VASH2: variants seen among roughly 807,000 people sequenced by gnomAD.
The protein encoded by VASH2 is tubulinyl-Tyr carboxypeptidase 2.
VASH2 carries 28 observed loss-of-function variants against 37.2 expected under a neutral mutation model. That is an observed-to-expected ratio of 0.75 (90% CI 0.56 to 1.03). The LOEUF is 1.03. Ranked by LOEUF, VASH2 falls within the 50% of genes least tolerant of loss-of-function variation. The probability of loss-of-function intolerance (pLI) is 0.00; values close to 1 mark genes in which losing one functional copy is unlikely to be tolerated. For synonymous variants in VASH2, 188 were observed against 174.7 expected (o/e 1.08, Z -0.60); for missense variants, 419 against 459.1 (o/e 0.91, Z 0.80).
chr1:212,957,374 A>G (rs140564003), intron 2 of VASH2, among the ~76,000 whole-genome samples: 105 of 152,240 alleles, frequency 6.9e-4, no homozygotes, highest in Admixed American at 3.5e-3. Context: ...ACTTTGCATG[A>G]GCTCATAATG....
chr1:212,966,413 C>G, intron 5 of VASH2, 68 bp downstream of exon 5: 1 of 1,294,734 alleles, frequency 7.7e-7, no homozygotes, highest in Non-Finnish European at 1.1e-6. Flanking sequence ...GCTTGTTGTG[C>G]CTTTAACATT....
rs563147043 is a variant in VASH2, at chr1:212,955,865, C to T, written c.276+4047C>T. ...TCCCCCATCCTGGATTGAGAACCTT[C>T]CGTCTGTCTGTCTGTCCTGCACCTC... is the stretch of plus-strand genomic sequence containing the variant. On this transcript the variant is annotated intron_variant, in intron 2 of 7. Transcript: ENST00000517399. Among the ~76,000 whole-genome samples the T allele has an allele frequency of 2.4e-3, 367 of 152,344 alleles. 2 individuals are homozygous for T. Among genetic ancestry groups the T allele is most frequent in the Non-Finnish European group, 4.0e-3 (271 of 68,028 alleles).
Position 212,951,476 on chromosome 1 carries a change from C to A in VASH2, c.-67C>A. 9.5e-7 allele frequency: 1 copy of A among 1,051,820 alleles called. No individual in the cohort carries two copies. The allele number at this position is 1,051,820 out of a possible 1,614,324, so 65.2% of individuals were successfully genotyped here. On this transcript the variant is annotated 5_prime_UTR_variant, in exon 2 of 8. Coordinates refer to ENST00000517399, the MANE Select transcript of VASH2 (RefSeq NM_001301056.2). The surrounding 1 kb of genome is among the most constrained non-coding windows in gnomAD (Gnocchi z 4.4). ...CTCGCCGCGCCCGCGCGCACACGCC[C>A]CCCGCCGCCGCCGCCGCTGCCGCCG...
At chr1:212,982,697 G>C (rs1393418189) in intron 7 of VASH2, among the ~76,000 whole-genome samples, 2 of 152,190 alleles carry the variant, frequency 1.3e-5, no homozygotes, top group East Asian at 3.8e-4. Flanking sequence ...TGCAGCCACG[G>C]TTGCTGTAAA....
chr1:212,961,086 T>C (rs1290084530), intron 2 of VASH2, 80 bp from the exon 3 acceptor site: 10 of 1,389,020 alleles, frequency 7.2e-6, no homozygotes, highest in Non-Finnish European at 1.0e-5. Context: ...TCTGGTGGCT[T>C]TAGCCCTCTG....
chr1:212,983,517 C>T (rs563785385), intron 7 of VASH2, among the ~76,000 whole-genome samples: 2 of 149,820 alleles, frequency 1.3e-5, no homozygotes, highest in Non-Finnish European at 1.5e-5. Context: ...GTGATGCCCC[C>T]GGATCCACAC....
intron 5 of VASH2, 143 bp downstream of exon 5, chr1:212,966,488 C>T: frequency 2.8e-6 from 2 of 706,994 alleles, no homozygotes; most frequent in South Asian, 1.8e-5. Context: ...TCTGGTTCAT[C>T]TCTTTAACTT....
chr1:212,959,440 C>T (rs561695689), intron 2 of VASH2, among the ~76,000 whole-genome samples: 25 of 106,586 alleles, frequency 2.3e-4, no homozygotes, highest in South Asian at 8.8e-4. Flanking sequence ...CACATTCACA[C>T]GCACATTCAC....
intron 7 of VASH2, among the ~76,000 whole-genome samples, chr1:212,980,003 G>C (rs1667295203): frequency 6.6e-6 from 1 of 152,214 alleles, no homozygotes; most frequent in African/African-American, 2.4e-5. Flanking sequence ...AGGGTTAGAA[G>C]TGTGGTGGGA....
At position 212,961,207 on chromosome 1, in the gene VASH2, G is replaced by T; in HGVS notation, c.318G>T (p.Thr106=). 1.2e-6 allele frequency: 2 copies of T among 1,614,146 alleles called. No homozygotes were observed. Among genetic ancestry groups the T allele is most frequent in the Non-Finnish European group, 8.5e-7 (1 of 1,180,034 alleles). ...TCCCAAACTACAGGCTGTCGATGAC[G>T]ATCCCAGACTGGCTCCAGGCGATCC... ...PQVPNYRLSM[T]IPDWLQAIQN... is the part of the protein sequence containing the mutation. The change falls in exon 3 of 8, where the codon ACG becomes ACT. Residue 106 remains threonine (T), a synonymous_variant. Coordinates refer to ENST00000517399, the MANE Select transcript of VASH2 (RefSeq NM_001301056.2).
Position 212,972,919 on chromosome 1 carries a change from A to C in VASH2, c.837A>C (p.Ile279=). The part of the protein sequence containing the change: ...LNVSKMLRAD[I]RKELEKYARD... ...TCTCAAAGATGCTGAGGGCTGACAT[A>C]AGGAAGGAGCTGGAGAAATATGCCA... is the stretch of plus-strand genomic sequence containing the variant. The change falls in exon 6 of 8, where the codon ATA becomes ATC. Residue 279 remains isoleucine, a synonymous_variant. Transcript: ENST00000517399. 1 of 1,613,884 alleles carries C rather than the reference A, an allele frequency of 6.2e-7. No individual in the cohort carries two copies. Among genetic ancestry groups the C allele is most frequent in the Non-Finnish European group, 8.5e-7 (1 of 1,180,022 alleles).
Position 212,961,193 on chromosome 1 carries a change from A to C in VASH2, c.304A>C (p.Arg102=). 6.2e-7 allele frequency: 1 copy of C among 1,614,174 alleles called. No individual in the cohort carries two copies. Among genetic ancestry groups the C allele is most frequent in the Non-Finnish European group, 8.5e-7 (1 of 1,180,014 alleles). ...KPSIPQVPNY[R]LSMTIPDWLQ... ...TTCAATACCCCAGGTCCCAAACTACAGGCTGTCGATGACGATCCCAGACTG... is the reference window on the plus strand; with the variant it reads ...TTCAATACCCCAGGTCCCAAACTACCGGCTGTCGATGACGATCCCAGACTG... Residue 102 remains arginine, a synonymous_variant, in exon 3 of 8, where the codon AGG becomes CGG. Transcript: ENST00000517399.
rs1189523052 is a variant in VASH2 at position 212,988,524 on chromosome 1, T to C, written c.1008T>C (p.Pro336=). The C allele has an allele frequency of 1.8e-5, 29 of 1,613,958 alleles. No homozygotes were observed. In the East Asian group the frequency reaches 6.0e-4, roughly 33 times the overall value. Reference sequence around the variant, plus strand: ...CTTTTACCCTTAGGCCTGCACTGCCTGAAAAGAAGGTGGCTGATCTGAGCA... The same window carrying C: ...CTTTTACCCTTAGGCCTGCACTGCCCGAAAAGAAGGTGGCTGATCTGAGCA... ...LGRREKSPAL[P]EKKVADLSTL... The change falls in exon 8 of 8, where the codon CCT becomes CCC. Residue 336 remains proline (P), a synonymous_variant. Transcript: ENST00000517399.
intron 2 of VASH2, among the ~76,000 whole-genome samples, chr1:212,953,998 T>C (rs1443842215): frequency 6.6e-6 from 1 of 151,470 alleles, no homozygotes; most frequent in Non-Finnish European, 1.5e-5. Context: ...AGCCTCAACC[T>C]CCCAGGCTCA....
intron 2 of VASH2, among the ~76,000 whole-genome samples, chr1:212,959,869 C>A (rs1192493767): frequency 6.6e-6 from 1 of 152,230 alleles, no homozygotes; most frequent in Non-Finnish European, 1.5e-5. Context: ...GGATGGGCCT[C>A]ACCTGTCCTC....
Position 212,990,096 on chromosome 1 carries a change from A to C in VASH2, c.*1512A>C, listed in dbSNP as rs888370272. 1.3e-5 allele frequency: 2 copies of C among 152,100 alleles called. No individual in the cohort carries two copies. The highest frequency in any genetic ancestry group is 2.9e-5 in the Non-Finnish European group (2 of 68,016). 9.4% of individuals were successfully genotyped at this position (152,100 alleles called of 1,614,324 possible). A position where few individuals can be genotyped will look rare whatever the true frequency, so the allele number is the denominator to read the frequency against. The stretch of plus-strand genomic sequence containing the variant: ...AAAAAGCTCATTGAGATTCTTTACC[A>C]ATTCTTTACAAGATTTCTGGGGGTG... On this transcript the variant is annotated 3_prime_UTR_variant, in exon 8 of 8. Transcript: ENST00000517399.
intron 7 of VASH2, among the ~76,000 whole-genome samples, chr1:212,978,622 G>T (rs768120234): frequency 3.9e-5 from 6 of 152,156 alleles, no homozygotes; most frequent in African/African-American, 1.4e-4. Context: ...CCCTGCCCTC[G>T]AGCCCTTCCT....
At chr1:212,961,471 T>C in intron 3 of VASH2, 2 of 950,498 alleles carry the variant, frequency 2.1e-6, no homozygotes, top group South Asian at 2.1e-5. Flanking sequence ...CCTTGAGCCC[T>C]TCTGCTTCTC....
chr1:212,977,443 G>T (rs937322448), intron 7 of VASH2, among the ~76,000 whole-genome samples: 2 of 152,082 alleles, frequency 1.3e-5, no homozygotes, highest in African/African-American at 4.8e-5. Flanking sequence ...CCAGGAGAAA[G>T]AAATGAGTGT....
Sources: gnomAD v4.1 joint callset for allele counts (sites outside exome capture counted in the v4.1 genomes callset) on GRCh38, gnomAD v4.1.1 for gene constraint, Gnocchi (gnomAD v3.1) non-coding constraint, MANE v1.5 for transcripts, NCBI Gene and HGNC (gene_info 2026-07-23, HGNC 2026-07-21) for gene names.